The following TSPAN7 variants were observed in gnomAD, a reference collection of about 807,000 sequenced individuals.
TSPAN7 encodes tetraspanin 7, also known as tetraspanin-7.
In TSPAN7, 1 loss-of-function variant was observed where a neutral mutation model predicts 17.6. The observed-to-expected ratio is 0.06, with a 90% CI of 0.02 to 0.27. The LOEUF (loss-of-function observed/expected upper bound fraction) is 0.27, where lower values mean the gene tolerates loss of function less well. Ranked by LOEUF, TSPAN7 falls within the 10% of genes least tolerant of loss-of-function variation. TSPAN7 has a pLI of 1.00. For missense variants in TSPAN7, 112 were observed against 201.7 expected, an observed-to-expected ratio of 0.56 and a Z score of 2.69; for synonymous variants, 78 against 79.0, an observed-to-expected ratio of 0.99 and a Z score of 0.07.
chrX:38,588,111 G>A (rs2069268982), intron 1 of TSPAN7, among the ~76,000 whole-genome samples: 1 of 110,775 alleles, frequency 9.0e-6, no homozygotes, highest in Admixed American at 9.6e-5. Flanking sequence ...CTATCTGCTT[G>A]GCAGGTGTTT....
At chrX:38,632,418 A>G (rs1254240822) in intron 1 of TSPAN7, among the ~76,000 whole-genome samples, 1 of 112,345 alleles carries the variant, frequency 8.9e-6, no homozygotes, top group Non-Finnish European at 1.9e-5. Context: ...AATCACTAAA[A>G]TGCTAAGTTT....
intron 1 of TSPAN7, among the ~76,000 whole-genome samples, chrX:38,572,988 T>C (rs2069177019): frequency 8.9e-6 from 1 of 111,818 alleles, no homozygotes; most frequent in Non-Finnish European, 1.9e-5. Context: ...TCACTTATTC[T>C]CTCTGAGCCC....
chrX:38,572,398 G>A (rs760609028), intron 1 of TSPAN7, among the ~76,000 whole-genome samples: 2 of 111,767 alleles, frequency 1.8e-5, no homozygotes, highest in Non-Finnish European at 3.8e-5. Flanking sequence ...TGTCATTGAT[G>A]ATTAGTCTGA....
intron 2 of TSPAN7, among the ~76,000 whole-genome samples, chrX:38,668,660 T>C (rs925373866): frequency 6.2e-5 from 7 of 112,323 alleles, no homozygotes; most frequent in African/African-American, 2.3e-4. Flanking sequence ...TAGTATTCCA[T>C]TGTGTATAGA....
intron 1 of TSPAN7, among the ~76,000 whole-genome samples, chrX:38,630,586 G>A (rs754777789): frequency 9.8e-5 from 11 of 111,793 alleles, no homozygotes; most frequent in African/African-American, 3.6e-4. Context: ...GACCAAATAC[G>A]TGTAATATGG....
chrX:38,575,935 C>T (rs1260472980), intron 1 of TSPAN7, among the ~76,000 whole-genome samples: 2 of 112,124 alleles, frequency 1.8e-5, no homozygotes, highest in African/African-American at 3.2e-5. Flanking sequence ...TGACCAGACA[C>T]TGGTTTGTCC....
chrX:38,609,839 G>T lies in TSPAN7; in HGVS notation c.81+48212G>T, dbSNP rs190296649. 6.9e-3 allele frequency among the ~76,000 whole-genome samples: 763 copies of T among 110,288 alleles called. 7 individuals carry two copies. Among genetic ancestry groups the T allele is most frequent in the African/African-American group, 0.024 (726 of 30,356 alleles). On this transcript the variant is annotated intron_variant, in intron 1 of 7. Coordinates refer to ENST00000378482, the MANE Select transcript of TSPAN7 (RefSeq NM_004615.4). Reference sequence around the variant, plus strand: ...ATATAGTGCTCAGATTTCACACCAGGTTATTAACAATGACATGGATGTCTG... The same window carrying T: ...ATATAGTGCTCAGATTTCACACCAGTTTATTAACAATGACATGGATGTCTG...
In TSPAN7 at chrX:38,675,847, A is replaced by G; in HGVS notation, c.584A>G (p.Lys195Arg). ...DLHNLTVAAT[K>R]VNQKGCYDLV... Reference sequence around the variant, plus strand: ...CACAATCTGACTGTGGCCGCCACCAAAGTTAACCAGAAGGTACCCGCTTTC... The same window carrying G: ...CACAATCTGACTGTGGCCGCCACCAGAGTTAACCAGAAGGTACCCGCTTTC... Residue 195 changes from lysine (K) to arginine (R), a missense_variant, in exon 5 of 8, where the codon AAA becomes AGA. Physicochemically the swap from Lys to Arg is conservative, Grantham distance 26 (BLOSUM62 2). Transcript: ENST00000378482. 8.3e-7 allele frequency: 1 copy of G among 1,211,522 alleles called. No individual in the cohort carries two copies. Among genetic ancestry groups the G allele is most frequent in the Non-Finnish European group, 1.1e-6 (1 of 895,437 alleles).
intron 1 of TSPAN7, among the ~76,000 whole-genome samples, chrX:38,652,619 GT>G (rs1485173172): frequency 2.7e-5 from 3 of 112,588 alleles, no homozygotes; most frequent in African/African-American, 9.7e-5. Context: ...TACATTTTGA[GT>G]TTCAAACAAG....
At chrX:38,619,196 A>T (rs1417812124) in intron 1 of TSPAN7, among the ~76,000 whole-genome samples, 1 of 110,546 alleles carries the variant, frequency 9.0e-6, no homozygotes, top group Non-Finnish European at 1.9e-5. Context: ...CTTGACTGGG[A>T]GGCAGCAGCC....
intron 1 of TSPAN7, among the ~76,000 whole-genome samples, chrX:38,614,594 T>C (rs2069442740): frequency 8.9e-6 from 1 of 112,683 alleles, no homozygotes; most frequent in African/African-American, 3.2e-5. Flanking sequence ...TGTTTTGAGT[T>C]GTGTAACCTT....
chrX:38,655,416 C>CAT (rs993608940), intron 1 of TSPAN7, among the ~76,000 whole-genome samples: 13 of 109,753 alleles, frequency 1.2e-4, no homozygotes, highest in Admixed American at 7.8e-4. Context: ...GTAGCAGTAC[C>CAT]ATATATATAT....
At chrX:38,614,175 C>T (rs192801211) in intron 1 of TSPAN7, among the ~76,000 whole-genome samples, 3 of 110,606 alleles carry the variant, frequency 2.7e-5, no homozygotes, top group East Asian at 5.7e-4. Flanking sequence ...GTATTTCCAC[C>T]GACTTAACCT....
At chrX:38,566,424 C>G (rs1469541175) in intron 1 of TSPAN7, 30 of 664,017 alleles carry the variant, frequency 4.5e-5, no homozygotes, top group Non-Finnish European at 5.9e-5. Context: ...TCACTAAATA[C>G]TTATTTCCTT....
intron 1 of TSPAN7, among the ~76,000 whole-genome samples, chrX:38,629,751 G>T (rs967716537): frequency 2.7e-5 from 3 of 111,540 alleles, no homozygotes; most frequent in Non-Finnish European, 3.8e-5. Flanking sequence ...ACAGGCATTT[G>T]GCCTTCTCCT....
intron 1 of TSPAN7, among the ~76,000 whole-genome samples, chrX:38,565,864 G>A (rs932740275): frequency 9.0e-6 from 1 of 111,480 alleles, no homozygotes; most frequent in African/African-American, 3.3e-5. Flanking sequence ...CCCATATTTG[G>A]CAATGTCTGG....
intron 1 of TSPAN7, among the ~76,000 whole-genome samples, chrX:38,636,601 G>A (rs1332825128): frequency 8.9e-6 from 1 of 111,785 alleles, no homozygotes; most frequent in Non-Finnish European, 1.9e-5. Context: ...TGGGAGGCAG[G>A]CCCACAGAGG....
At chrX:38,604,717 A>C (rs111641458) in intron 1 of TSPAN7, among the ~76,000 whole-genome samples, 2 of 111,144 alleles carry the variant, frequency 1.8e-5, no homozygotes, top group Non-Finnish European at 3.8e-5. Flanking sequence ...CACCATGATC[A>C]AGTGGGCTTC....
chrX:38,650,247 G>A (rs192335992), intron 1 of TSPAN7, among the ~76,000 whole-genome samples: 1 of 112,674 alleles, frequency 8.9e-6, no homozygotes, highest in East Asian at 2.8e-4. Context: ...AAGGTGGCTT[G>A]TATCATCTCT....
Sources: allele counts gnomAD v4.1 joint callset (sites outside exome capture counted in the v4.1 genomes callset), GRCh38; gene constraint gnomAD v4.1.1; transcripts MANE v1.5; gene names NCBI Gene and HGNC (gene_info 2026-07-23, HGNC 2026-07-21).